Variants in PRR5L observed in about 807,000 individuals in gnomAD.
The protein encoded by PRR5L is proline-rich protein 5-like.
PRR5L carries 21 observed loss-of-function variants against 36.4 expected under a neutral mutation model. That is an observed-to-expected ratio of 0.58 (90% CI 0.41 to 0.83). The LOEUF (loss-of-function observed/expected upper bound fraction) is 0.83, where lower values mean the gene tolerates loss of function less well. PRR5L is among the 40% of genes least tolerant of loss of function. PRR5L has a pLI of 0.00. For synonymous variants in PRR5L, 188 were observed against 197.0 expected (o/e 0.95, Z 0.38); for missense variants, 381 against 473.3 (o/e 0.80, Z 1.81).
At chr11:36,324,903 AT>A (rs1014315617) in intron 1 of PRR5L, among the ~76,000 whole-genome samples, 5 of 152,078 alleles carry the variant, frequency 3.3e-5, no homozygotes, top group African/African-American at 1.2e-4. Context: ...GGTGCCAATT[AT>A]TTTGTAATCT....
intron 1 of PRR5L, among the ~76,000 whole-genome samples, chr11:36,386,308 T>G (rs1857455926): frequency 6.6e-6 from 1 of 152,052 alleles, no homozygotes; most frequent in Non-Finnish European, 1.5e-5. Flanking sequence ...TAAAACTAAT[T>G]AAAAATACGT....
chr11:36,367,019 T>C (rs967029903), intron 1 of PRR5L, among the ~76,000 whole-genome samples: 2 of 152,234 alleles, frequency 1.3e-5, no homozygotes, highest in African/African-American at 4.8e-5. Flanking sequence ...CTGTCTTATG[T>C]CATTATTTAT....
chr11:36,309,071 A>G (rs935095269), intron 1 of PRR5L, among the ~76,000 whole-genome samples: 7 of 152,232 alleles, frequency 4.6e-5, no homozygotes, highest in Non-Finnish European at 7.3e-5. Flanking sequence ...AGCAAAGTGT[A>G]TGGAGAGTGT....
intron 3 of PRR5L, among the ~76,000 whole-genome samples, chr11:36,410,951 C>T (rs562552147): frequency 3.9e-5 from 6 of 152,298 alleles, no homozygotes; most frequent in African/African-American, 7.2e-5. Flanking sequence ...GCGGTCTGGG[C>T]GGATCTCACC....
rs1410988347 is a variant in PRR5L at position 36,455,652 on chromosome 11, T to A, written c.712+4317T>A. Among the ~76,000 whole-genome samples the A allele has an allele frequency of 2.0e-5, 3 of 152,226 alleles. No individual in the cohort carries two copies. In the East Asian group the frequency reaches 5.8e-4, roughly 29 times the overall value. On this transcript the variant is annotated intron_variant, in intron 8 of 8. Coordinates refer to ENST00000530639, the MANE Select transcript of PRR5L (RefSeq NM_001160167.2). ...TCAGTCCCTTAGTGGGAGATTCCCT[T>A]CCCTGGGTGACAGGGCCCTGCCTTC...
At chr11:36,340,991 G>A (rs938152001) in intron 1 of PRR5L, among the ~76,000 whole-genome samples, 15 of 152,082 alleles carry the variant, frequency 9.9e-5, no homozygotes, top group African/African-American at 3.1e-4. Flanking sequence ...TTAAGCCTCC[G>A]TCCAACTCTC....
intron 1 of PRR5L, among the ~76,000 whole-genome samples, chr11:36,320,970 TAGAA>T (rs983614007): frequency 2.6e-5 from 4 of 152,246 alleles, no homozygotes; most frequent in Admixed American, 6.5e-5. Context: ...AGGCTCCTGT[TAGAA>T]AGAAAGTTTC....
intron 8 of PRR5L, among the ~76,000 whole-genome samples, chr11:36,459,645 T>A (rs1192620425): frequency 6.6e-6 from 1 of 152,226 alleles, no homozygotes; most frequent in Non-Finnish European, 1.5e-5. Context: ...GTGATAGCAG[T>A]ACCCAGCTCA....
intron 3 of PRR5L, among the ~76,000 whole-genome samples, chr11:36,418,579 G>A (rs1028299400): frequency 1.3e-5 from 2 of 152,154 alleles, no homozygotes; most frequent in East Asian, 1.9e-4. Context: ...GGCGGATCAC[G>A]AGGTCAGGAG....
chr11:36,456,192 A>G (rs964761243), intron 8 of PRR5L, among the ~76,000 whole-genome samples: 2 of 152,298 alleles, frequency 1.3e-5, no homozygotes, highest in East Asian at 3.9e-4. Flanking sequence ...AGGGCCAGGT[A>G]GAGCTGCCTG....
chr11:36,297,679 G>A (rs1856327396), intron 1 of PRR5L, among the ~76,000 whole-genome samples: 1 of 152,122 alleles, frequency 6.6e-6, no homozygotes, highest in South Asian at 2.1e-4. Flanking sequence ...TTCTTAAGTC[G>A]CTTTTAGTTC....
At chr11:36,374,274 T>TAAA (rs1857230958) in intron 1 of PRR5L, among the ~76,000 whole-genome samples, 1 of 152,002 alleles carries the variant, frequency 6.6e-6, no homozygotes, top group Non-Finnish European at 1.5e-5. Flanking sequence ...TTTGTATTTT[T>TAAA]AGTAGAGATG....
At chr11:36,428,662 T>C (rs1431979727) in intron 4 of PRR5L, among the ~76,000 whole-genome samples, 1 of 152,210 alleles carries the variant, frequency 6.6e-6, no homozygotes, top group African/African-American at 2.4e-5. Context: ...ATGTCTTTTA[T>C]TGGAATTTTG....
intron 8 of PRR5L, among the ~76,000 whole-genome samples, chr11:36,456,840 A>G (rs896695051): frequency 9.8e-5 from 15 of 152,372 alleles, no homozygotes; most frequent in Admixed American, 3.3e-4. Flanking sequence ...TGCTGGGCTC[A>G]AGCCCCTGTT....
At chr11:36,449,500 G>A (rs183555100) in intron 7 of PRR5L, among the ~76,000 whole-genome samples, 4 of 152,262 alleles carry the variant, frequency 2.6e-5, no homozygotes, top group Non-Finnish European at 4.4e-5. Context: ...CCTTCAAACT[G>A]CCCCAGTGAG....
Position 36,451,206 on chromosome 11 carries a change from CAG to C in PRR5L, c.586_587del. 1 of 1,614,030 alleles carries C rather than the reference CAG, an allele frequency of 6.2e-7. No individual in the cohort carries two copies. The highest frequency in any genetic ancestry group is 8.5e-7 in the Non-Finnish European group (1 of 1,179,960). ...TTGTGTATCTTGGCTGTTCATTTTC[CAG>C]AGTGTTCACGAGCCCACAGGCCCAA... is the stretch of plus-strand genomic sequence containing the variant. On this transcript the variant is annotated splice_acceptor_variant, in intron 7 of 8. Coordinates refer to ENST00000530639, the MANE Select transcript of PRR5L (RefSeq NM_001160167.2). LOFTEE classifies it high-confidence loss of function.
At position 36,443,469 on chromosome 11, in the gene PRR5L, A is replaced by T. The variant is rs563563576; in HGVS notation, c.445-2831A>T. On this transcript the variant is annotated intron_variant, in intron 6 of 8. Coordinates refer to ENST00000530639, the MANE Select transcript of PRR5L (RefSeq NM_001160167.2). Reference sequence around the variant, plus strand: ...GTCACTGACCTGGGTTCACATTGTCAGTCTGCCACTTATCATCTTGATATT... The same window carrying T: ...GTCACTGACCTGGGTTCACATTGTCTGTCTGCCACTTATCATCTTGATATT... 8.1e-4 allele frequency among the ~76,000 whole-genome samples: 123 copies of T among 152,320 alleles called. 1 individual carries two copies. Among genetic ancestry groups the T allele is most frequent in the Non-Finnish European group, 9.1e-4 (62 of 68,032 alleles).
intron 1 of PRR5L, among the ~76,000 whole-genome samples, chr11:36,300,472 CA>C (rs1323233684): frequency 6.6e-6 from 1 of 152,104 alleles, no homozygotes; most frequent in Admixed American, 6.6e-5. Context: ...ACCCCACCTC[CA>C]ATGCTGGCAA....
chr11:36,388,715 T>G (rs1857503864), intron 1 of PRR5L, among the ~76,000 whole-genome samples: 1 of 148,020 alleles, frequency 6.8e-6, no homozygotes, highest in African/African-American at 2.5e-5. Flanking sequence ...TTTTTTTTTT[T>G]TGAGACGGAG....
Sources: allele counts gnomAD v4.1 joint callset (sites outside exome capture counted in the v4.1 genomes callset), GRCh38; gene constraint gnomAD v4.1.1; transcripts MANE v1.5; gene names NCBI Gene and HGNC (gene_info 2026-07-23, HGNC 2026-07-21).